ARMC2: variants seen among roughly 807,000 people sequenced by gnomAD.
ARMC2 encodes armadillo repeat containing 2.
ARMC2 carries 67 observed loss-of-function variants against 90.3 expected under a neutral mutation model. That is an observed-to-expected ratio of 0.74 (90% CI 0.61 to 0.91). The LOEUF (loss-of-function observed/expected upper bound fraction) is 0.91. Among genes scored for constraint, ARMC2 ranks in the 40% least tolerant of loss-of-function variants. The pLI is 0.00. For missense variants in ARMC2, 920 were observed against 1,030.9 expected (o/e 0.89, Z 1.47); for synonymous variants, 393 against 393.0 (o/e 1.00, Z 0.00).
chr6:108,983,042 C>T, the ARMC2 span, among the ~76,000 whole-genome samples: 1 of 152,042 alleles, frequency 6.6e-6, no homozygotes, highest in South Asian at 2.1e-4. Flanking sequence ...TGGTCTCGAT[C>T]TCCTGACCTC....
At chr6:108,869,112 A>C in intron 4 of ARMC2, 117 bp downstream of exon 4, 28 of 1,089,638 alleles carry the variant, frequency 2.6e-5, no homozygotes, top group African/African-American at 3.2e-5. Flanking sequence ...ATTAACTAAG[A>C]TTAGTTAATA....
chr6:108,994,515 A>G, the ARMC2 span: 1 of 1,613,474 alleles, frequency 6.2e-7, no homozygotes, highest in Admixed American at 1.7e-5. Flanking sequence ...ACGTGAAGCC[A>G]TCTCTTCCTG....
At chr6:108,996,049 T>C in the ARMC2 span, among the ~76,000 whole-genome samples, 1 of 152,204 alleles carries the variant, frequency 6.6e-6, no homozygotes. Flanking sequence ...ACTCGCATGA[T>C]ATTGATTTAA....
At chr6:108,985,975 C>CA in the ARMC2 span, among the ~76,000 whole-genome samples, 2 of 152,148 alleles carry the variant, frequency 1.3e-5, no homozygotes, top group African/African-American at 2.4e-5. Flanking sequence ...CACCTCTGTT[C>CA]AAAATTGATC....
At chr6:108,982,883 C>T in the ARMC2 span, among the ~76,000 whole-genome samples, 5 of 149,110 alleles carry the variant, frequency 3.4e-5, no homozygotes, top group South Asian at 4.3e-4. Context: ...TACGGTGGCG[C>T]GATCTCAGCT....
intron 10 of ARMC2, among the ~76,000 whole-genome samples, chr6:108,917,336 C>A (rs959830726): frequency 1.5e-4 from 23 of 152,096 alleles, no homozygotes; most frequent in Admixed American, 5.2e-4. Context: ...TGCTCAGTAC[C>A]ATACCACTGT....
chr6:108,953,376 C>T (rs1355255470), intron 13 of ARMC2, 25 bp downstream of exon 13: 2 of 1,569,174 alleles, frequency 1.3e-6, no homozygotes, highest in East Asian at 2.3e-5. Flanking sequence ...CCACTGGCTG[C>T]AGCAGACACA....
the ARMC2 span, chr6:108,999,246 C>T: frequency 6.6e-6 from 1 of 152,560 alleles, no homozygotes; most frequent in African/African-American, 2.4e-5. Flanking sequence ...TATATAACTT[C>T]TATAATTCTT....
At chr6:109,038,666 A>G in the ARMC2 span, among the ~76,000 whole-genome samples, 1 of 152,248 alleles carries the variant, frequency 6.6e-6, no homozygotes, top group Admixed American at 6.5e-5. Flanking sequence ...GGGATGTGGG[A>G]CAGAATTGCC....
At chr6:108,926,858 G>T (rs1258135424) in intron 10 of ARMC2, among the ~76,000 whole-genome samples, 1 of 150,656 alleles carries the variant, frequency 6.6e-6, no homozygotes, top group Non-Finnish European at 1.5e-5. Flanking sequence ...TTTCAGGGAA[G>T]AATTTACAGA....
At chr6:108,858,346 G>A in intron 3 of ARMC2, 75 bp downstream of exon 3, 1 of 1,085,988 alleles carries the variant, frequency 9.2e-7, no homozygotes, top group East Asian at 2.6e-5. Context: ...CTTGGAATCA[G>A]TACTTATATA....
intron 15 of ARMC2, among the ~76,000 whole-genome samples, chr6:108,962,884 A>T (rs534706711): frequency 2.0e-5 from 3 of 152,314 alleles, no homozygotes; most frequent in East Asian, 3.9e-4. Context: ...CACAAGTCCC[A>T]GCTACTTGGG....
chr6:108,987,986 G>T, the ARMC2 span, among the ~76,000 whole-genome samples: 4 of 151,966 alleles, frequency 2.6e-5, no homozygotes, highest in Non-Finnish European at 1.5e-5. Context: ...GGTATTTTTA[G>T]TATCACCATG....
the ARMC2 span, among the ~76,000 whole-genome samples, chr6:109,005,388 C>T: frequency 6.6e-6 from 1 of 152,152 alleles, no homozygotes; most frequent in African/African-American, 2.4e-5. Flanking sequence ...GATTCAATTT[C>T]TAGGCCTTTA....
At chr6:108,892,017 C>T (rs1470596989) in intron 5 of ARMC2, among the ~76,000 whole-genome samples, 5 of 152,126 alleles carry the variant, frequency 3.3e-5, no homozygotes, top group Non-Finnish European at 2.9e-5. Context: ...GGGATACATG[C>T]GTGTGGTATT....
At chr6:108,867,553 G>A (rs1277130641) in intron 3 of ARMC2, among the ~76,000 whole-genome samples, 1 of 152,142 alleles carries the variant, frequency 6.6e-6, no homozygotes, top group East Asian at 1.9e-4. Flanking sequence ...GCTCACCTGA[G>A]GTCAGGAGTT....
At chr6:108,952,935 C>CTGCAATTACTCCA in intron 12 of ARMC2, 98 bp from the exon 13 acceptor site, 1 of 1,159,804 alleles carries the variant, frequency 8.6e-7, no homozygotes, top group Non-Finnish European at 1.2e-6. Flanking sequence ...TTCCATTTTA[C>CTGCAATTACTCCA]TATTAATGCA....
At chr6:108,987,565 G>A in the ARMC2 span, 2 of 1,598,578 alleles carry the variant, frequency 1.3e-6, no homozygotes, top group South Asian at 1.1e-5. Context: ...AGCGGGTAAT[G>A]GCTCTCAGAG....
At chr6:108,995,210 C>G in the ARMC2 span, among the ~76,000 whole-genome samples, 5 of 152,230 alleles carry the variant, frequency 3.3e-5, no homozygotes, top group South Asian at 1.0e-3. Context: ...TTTTAAACTA[C>G]TTGTCAATTT....
Sources: gnomAD v4.1 joint callset for allele counts (sites outside exome capture counted in the v4.1 genomes callset) on GRCh38, gnomAD v4.1.1 for gene constraint, MANE v1.5 for transcripts, NCBI Gene and HGNC (gene_info 2026-07-23, HGNC 2026-07-21) for gene names.